The following NRXN1 variants were observed in gnomAD, a reference collection of about 807,000 sequenced individuals.
The protein encoded by NRXN1 is neurexin 1, also known as neurexin-1.
Under a neutral mutation model 150.9 loss-of-function variants are expected in NRXN1, and 39 were observed. The observed-to-expected ratio is 0.26, with a 90% CI of 0.20 to 0.34. The LOEUF is 0.34. Among genes scored for constraint, NRXN1 ranks in the 10% least tolerant of loss-of-function variants. The probability of loss-of-function intolerance (pLI) is 1.00; values close to 1 mark genes in which losing one functional copy is unlikely to be tolerated. For synonymous variants in NRXN1, 924 were observed against 757.0 expected (o/e 1.22, Z -3.62); for missense variants, 1,815 against 1,949.9 (o/e 0.93, Z 1.30).
intron 8 of NRXN1, among the ~76,000 whole-genome samples, chr2:50,559,501 C>T (rs1438404031): frequency 6.6e-6 from 1 of 152,138 alleles, no homozygotes; most frequent in Non-Finnish European, 1.5e-5. Context: ...TTCCACAGAA[C>T]ATGTTACACT....
At chr2:50,990,310 T>A (rs1698358817) in intron 2 of NRXN1, among the ~76,000 whole-genome samples, 1 of 152,080 alleles carries the variant, frequency 6.6e-6, no homozygotes, top group African/African-American at 2.4e-5. Flanking sequence ...AATCAATTTT[T>A]AAGAAGGTAA....
intron 21 of NRXN1, among the ~76,000 whole-genome samples, chr2:49,954,185 T>C (rs1674504776): frequency 6.6e-6 from 1 of 152,056 alleles, no homozygotes; most frequent in South Asian, 2.1e-4. Context: ...ATAGGATCTG[T>C]ATCTCTCACT....
chr2:50,459,835 T>C (rs1028740060), intron 17 of NRXN1, among the ~76,000 whole-genome samples: 1 of 152,106 alleles, frequency 6.6e-6, no homozygotes, highest in East Asian at 1.9e-4. Flanking sequence ...GTAAAATCTA[T>C]ATAAAAAGTA....
At chr2:50,321,002 G>C (rs115838835) in intron 17 of NRXN1, among the ~76,000 whole-genome samples, 153 of 152,244 alleles carry the variant, frequency 1.0e-3, no homozygotes, top group African/African-American at 2.9e-3. Flanking sequence ...TTGCCATCCT[G>C]AAAGAATCCA....
chr2:50,871,710 G>A (rs934975251), intron 5 of NRXN1, among the ~76,000 whole-genome samples: 7 of 151,728 alleles, frequency 4.6e-5, no homozygotes, highest in Non-Finnish European at 8.8e-5. Flanking sequence ...GTCACTAAAA[G>A]CATATTAAGG....
intron 21 of NRXN1, among the ~76,000 whole-genome samples, chr2:50,005,181 C>T (rs1159866020): frequency 6.6e-6 from 1 of 152,060 alleles, no homozygotes; most frequent in Non-Finnish European, 1.5e-5. Flanking sequence ...ATGTTCTTAT[C>T]AAGTGCCAGG....
chr2:50,384,613 T>A (rs1053608816), intron 17 of NRXN1, among the ~76,000 whole-genome samples: 6 of 151,710 alleles, frequency 4.0e-5, no homozygotes, highest in Non-Finnish European at 7.4e-5. Context: ...ATTCTTCAGG[T>A]CTGTAGGTAG....
Position 50,632,730 on chromosome 2 carries a change from T to G in NRXN1, c.833-9115A>C, listed in dbSNP as rs367615389. On this transcript the variant is annotated intron_variant, in intron 5 of 22. Coordinates refer to ENST00000401669, the MANE Select transcript of NRXN1 (RefSeq NM_001330078.2). ...TAAGTATTAAAGGCAAAATATATAT[T>G]GATATCATGGCACTGTTCTTAAGGA... 41 of 152,186 alleles carry G rather than the reference T, an allele frequency of 2.7e-4. No individual in the cohort carries two copies. In the South Asian group the frequency reaches 8.1e-3, roughly 30 times the overall value. The allele number at this position is 152,186 out of a possible 1,614,324, so 9.4% of individuals were successfully genotyped here.
chr2:49,935,339 T>G (rs1670847018), intron 22 of NRXN1, among the ~76,000 whole-genome samples: 1 of 152,220 alleles, frequency 6.6e-6, no homozygotes, highest in Admixed American at 6.5e-5. Flanking sequence ...AATATTTTAG[T>G]GTGCTCTTAG....
intron 18 of NRXN1, among the ~76,000 whole-genome samples, chr2:50,178,143 A>G (rs1349267993): frequency 6.6e-6 from 1 of 152,108 alleles, no homozygotes; most frequent in Non-Finnish European, 1.5e-5. Flanking sequence ...TTCAGAATCT[A>G]AGAAAAATTA....
chr2:50,597,509 T>C (rs1413928029), intron 8 of NRXN1, among the ~76,000 whole-genome samples: 1 of 152,156 alleles, frequency 6.6e-6, no homozygotes, highest in Non-Finnish European at 1.5e-5. Flanking sequence ...CTTCATTCTC[T>C]AAAGTGGGTG....
chr2:50,647,866 A>G (rs1414329960), intron 5 of NRXN1, among the ~76,000 whole-genome samples: 1 of 151,968 alleles, frequency 6.6e-6, no homozygotes, highest in African/African-American at 2.4e-5. Context: ...TACTCCTTAC[A>G]TTAAGCTAAG....
chr2:50,289,149 T>A (rs1158653823), intron 17 of NRXN1, among the ~76,000 whole-genome samples: 1 of 152,104 alleles, frequency 6.6e-6, no homozygotes, highest in Non-Finnish European at 1.5e-5. Context: ...ATGAATAACA[T>A]GTAAATGGAG....
intron 8 of NRXN1, among the ~76,000 whole-genome samples, chr2:50,558,692 A>G (rs1668598848): frequency 6.6e-6 from 1 of 152,208 alleles, no homozygotes; most frequent in Non-Finnish European, 1.5e-5. Flanking sequence ...AAATTATTTA[A>G]AGGGACTGTT....
At chr2:50,206,243 ACAC>A (rs755832015) in intron 18 of NRXN1, among the ~76,000 whole-genome samples, 14 of 150,800 alleles carry the variant, frequency 9.3e-5, no homozygotes, top group Non-Finnish European at 1.0e-4. Flanking sequence ...ACACACACAC[ACAC>A]ACACACACAC....
At chr2:50,449,236 T>C (rs993480153) in intron 17 of NRXN1, among the ~76,000 whole-genome samples, 1 of 152,334 alleles carries the variant, frequency 6.6e-6, no homozygotes, top group South Asian at 2.1e-4. Flanking sequence ...CAGTGGAGAT[T>C]ACCAAAAAGT....
rs574062730 is a variant in NRXN1 at position 50,491,656 on chromosome 2, G to A, written c.3070+4249C>T. Among the ~76,000 whole-genome samples, 43 of 152,268 alleles carry A rather than the reference G, an allele frequency of 2.8e-4. No homozygotes were observed. In the South Asian group the frequency reaches 8.3e-3, roughly 29 times the overall value. ...GAACAGAGGAGGAAGAAAGGACAAA[G>A]TACTGCCTGGGCTGACCTAGATGTG... On this transcript the variant is annotated intron_variant, in intron 15 of 22. Coordinates refer to ENST00000401669, the MANE Select transcript of NRXN1 (RefSeq NM_001330078.2).
chr2:50,667,032 G>A (rs886361478), intron 5 of NRXN1, among the ~76,000 whole-genome samples: 1 of 151,874 alleles, frequency 6.6e-6, no homozygotes, highest in African/African-American at 2.4e-5. Flanking sequence ...AGCTTTACTT[G>A]AATGAAATTT....
At chr2:50,168,499 C>T (rs2059821475) in intron 18 of NRXN1, among the ~76,000 whole-genome samples, 1 of 152,050 alleles carries the variant, frequency 6.6e-6, no homozygotes, top group Non-Finnish European at 1.5e-5. Context: ...GTGAGAAAAG[C>T]TATTAGGAAG....
Sources: gnomAD v4.1 joint callset for allele counts (sites outside exome capture counted in the v4.1 genomes callset) on GRCh38, gnomAD v4.1.1 for gene constraint, MANE v1.5 for transcripts, NCBI Gene and HGNC (gene_info 2026-07-23, HGNC 2026-07-21) for gene names.